Variants in ZNF33B observed in about 807,000 individuals in gnomAD.
ZNF33B encodes zinc finger protein 33B.
In ZNF33B, 29 loss-of-function variants were observed where a neutral mutation model predicts 45.8. The observed-to-expected ratio is 0.63, with a 90% confidence interval of 0.47 to 0.86. ZNF33B has a LOEUF of 0.86. ZNF33B is among the 40% of genes least tolerant of loss of function. The probability of loss-of-function intolerance (pLI) is 0.00; values close to 1 mark genes in which losing one functional copy is unlikely to be tolerated. For synonymous variants in ZNF33B, 305 were observed against 307.8 expected (o/e 0.99, Z 0.10); for missense variants, 831 against 909.9 (o/e 0.91, Z 1.12).
At chr10:42,620,452 G>A (rs1422136596) in intron 4 of ZNF33B, among the ~76,000 whole-genome samples, 1 of 152,000 alleles carries the variant, frequency 6.6e-6, no homozygotes, top group East Asian at 1.9e-4. Context: ...ACCCAGGCTG[G>A]AGTGCAGTGA....
chr10:42,583,434 C>A (rs1000577188), intron 1 of ZNF33B: 12 of 312,872 alleles, frequency 3.8e-5, no homozygotes, highest in Non-Finnish European at 7.6e-5. Context: ...AGTGGTATTG[C>A]CCGCTGAGAT....
chr10:42,612,216 G>C (rs1838127723), intron 4 of ZNF33B, among the ~76,000 whole-genome samples: 1 of 149,138 alleles, frequency 6.7e-6, no homozygotes, highest in African/African-American at 2.5e-5. Flanking sequence ...TGTTGACGTG[G>C]CAGGTTACAG....
intron 1 of ZNF33B, among the ~76,000 whole-genome samples, chr10:42,581,156 C>A (rs1055440196): frequency 8.6e-5 from 13 of 152,026 alleles, no homozygotes; most frequent in Non-Finnish European, 1.3e-4. Flanking sequence ...TGCACCCAGT[C>A]CAGGTGTCAG....
chr10:42,579,098 T>C (rs945078040), intron 1 of ZNF33B, among the ~76,000 whole-genome samples: 11 of 152,314 alleles, frequency 7.2e-5, no homozygotes, highest in African/African-American at 2.6e-4. Context: ...TCTTCAGATA[T>C]AAACACTGGG....
At chr10:42,624,961 A>G (rs1838736375) in intron 4 of ZNF33B, among the ~76,000 whole-genome samples, 4 of 152,084 alleles carry the variant, frequency 2.6e-5, no homozygotes, top group Admixed American at 2.6e-4. Context: ...AAGCCTTAAC[A>G]CTGGATACAA....
chr10:42,577,634 A>G (rs1484051905), intron 1 of ZNF33B, among the ~76,000 whole-genome samples: 2 of 149,882 alleles, frequency 1.3e-5, no homozygotes, highest in African/African-American at 5.0e-5. Context: ...GGATCTATCA[A>G]TCAGGTGAAT....
chr10:42,623,252 G>C (rs1452484859), intron 4 of ZNF33B, among the ~76,000 whole-genome samples: 1 of 152,256 alleles, frequency 6.6e-6, no homozygotes, highest in African/African-American at 2.4e-5. Flanking sequence ...GGGTGACGGT[G>C]AGACTCTGTC....
chr10:42,617,537 C>T (rs1419021094), intron 4 of ZNF33B, among the ~76,000 whole-genome samples: 1 of 152,188 alleles, frequency 6.6e-6, no homozygotes, highest in Non-Finnish European at 1.5e-5. Context: ...GACATTGATT[C>T]ATTCAATCAA....
chr10:42,595,813 G>A (rs939642927), intron 4 of ZNF33B, among the ~76,000 whole-genome samples: 9 of 152,132 alleles, frequency 5.9e-5, no homozygotes, highest in Admixed American at 2.6e-4. Context: ...AGAAACCAAC[G>A]CTGTTGTCAC....
At chr10:42,598,293 T>C (rs1050035440) in intron 4 of ZNF33B, among the ~76,000 whole-genome samples, 7 of 152,264 alleles carry the variant, frequency 4.6e-5, no homozygotes, top group African/African-American at 1.4e-4. Context: ...TAGTATTTCC[T>C]AAGAATGGCA....
intron 2 of ZNF33B, among the ~76,000 whole-genome samples, chr10:42,634,564 A>G (rs1839203491): frequency 6.6e-6 from 1 of 152,226 alleles, no homozygotes; most frequent in Non-Finnish European, 1.5e-5. Context: ...ACCCACTACT[A>G]GACACTAAGA....
rs560913205 is a variant in ZNF33B, at chr10:42,614,908, G to A, written c.250+17021C>T. ...ACAGAGGCTGCAGTGAGCTGAGATC[G>A]TGCCACTGTACCCCAGCCTGGGCAA... is the stretch of plus-strand genomic sequence containing the variant. On this transcript the variant is annotated intron_variant, in intron 4 of 4. Coordinates refer to ENST00000359467, the MANE Select transcript of ZNF33B (RefSeq NM_006955.3). 6.6e-5 allele frequency among the ~76,000 whole-genome samples: 10 copies of A among 151,760 alleles called. No individual in the cohort carries two copies. The East Asian group carries it at 9.7e-4, about 15-fold the overall frequency.
At position 42,593,628 on chromosome 10, in the gene ZNF33B, T is replaced by C; in HGVS notation, c.1322A>G (p.Tyr441Cys). ...GGATTTTCCACATTCATAACATTCA[T>C]AGGGTTTCTGCCCTGTGTGTGTTCT... is the stretch of plus-strand genomic sequence containing the variant. The part of the protein sequence containing the change: ...HQRTHTGQKP[Y>C]ECYECGKSFC... Residue 441 changes from tyrosine (Y) to cysteine (C), a missense_variant, in exon 5 of 5, where the codon TAT becomes TGT. Physicochemically the swap from Tyr to Cys is radical, Grantham distance 194 (BLOSUM62 -2). Transcript: ENST00000359467. 1 of 1,614,040 alleles carries C rather than the reference T, an allele frequency of 6.2e-7. No homozygotes were observed. Among genetic ancestry groups the C allele is most frequent in the Non-Finnish European group, 8.5e-7 (1 of 1,179,956 alleles).
intron 4 of ZNF33B, among the ~76,000 whole-genome samples, chr10:42,614,815 G>A (rs1838245093): frequency 2.0e-5 from 3 of 152,016 alleles, no homozygotes; most frequent in Admixed American, 1.3e-4. Flanking sequence ...TTAGCCAGGC[G>A]TGGTGGTGGG....
Position 42,593,242 on chromosome 10 carries a change from G to T in ZNF33B, c.1708C>A (p.Gln570Lys), listed in dbSNP as rs1837225338. The change falls in exon 5 of 5, where the codon CAA becomes AAA. Residue 570 changes from glutamine (Q) to lysine (K), a missense_variant. By Grantham distance (53) the Gln-to-Lys change is moderately conservative. Coordinates refer to ENST00000359467, the MANE Select transcript of ZNF33B (RefSeq NM_006955.3). ...KFFSHKSTLS[Q>K]HYRTHTGEKP... ...TCCCCCGTGTGTGTTCTATAATGTTGAGAGAGGGTTGACTTATGGCTAAAG... is the reference window on the plus strand; with the variant it reads ...TCCCCCGTGTGTGTTCTATAATGTTTAGAGAGGGTTGACTTATGGCTAAAG... 1 of 1,613,628 alleles carries T rather than the reference G, an allele frequency of 6.2e-7. No individual in the cohort carries two copies.
intron 4 of ZNF33B, among the ~76,000 whole-genome samples, chr10:42,624,451 G>A (rs1255949459): frequency 6.6e-6 from 1 of 152,094 alleles, no homozygotes. Flanking sequence ...CCTTATCCAA[G>A]GGCGATACAT....
At chr10:42,597,741 A>C (rs1837461381) in intron 4 of ZNF33B, among the ~76,000 whole-genome samples, 1 of 152,182 alleles carries the variant, frequency 6.6e-6, no homozygotes, top group Admixed American at 6.5e-5. Context: ...AAAAGTTAAA[A>C]AAATACAAGT....
In ZNF33B at chr10:42,632,415, C is replaced by G; in HGVS notation, c.34G>C (p.Val12Leu). The change falls in exon 3 of 5, where the codon GTA becomes CTA. Residue 12 changes from valine to leucine, a missense_variant. Physicochemically the swap from Val to Leu is conservative, Grantham distance 32. Transcript: ENST00000359467. ...NKVDQKFQGS[V>L]SFKDVTVGFT... Reference sequence around the variant, plus strand: ...CCCACAGTCACATCTTTAAATGATACTGACCCCTGGAACTTCTGATCTACC... The same window carrying G: ...CCCACAGTCACATCTTTAAATGATAGTGACCCCTGGAACTTCTGATCTACC... 6.2e-6 allele frequency: 10 copies of G among 1,613,658 alleles called. No homozygotes were observed. The highest frequency in any genetic ancestry group is 8.5e-6 in the Non-Finnish European group (10 of 1,179,930).
At chr10:42,620,583 T>G (rs1838529981) in intron 4 of ZNF33B, among the ~76,000 whole-genome samples, 1 of 151,362 alleles carries the variant, frequency 6.6e-6, no homozygotes, top group African/African-American at 2.4e-5. Flanking sequence ...TTTTTTTTAA[T>G]TTTTTTTGTA....
Sources: allele counts gnomAD v4.1 joint callset (sites outside exome capture counted in the v4.1 genomes callset), GRCh38; gene constraint gnomAD v4.1.1; transcripts MANE v1.5; gene names NCBI Gene and HGNC (gene_info 2026-07-23, HGNC 2026-07-21).